The following XPO4 variants were observed in gnomAD, a reference collection of about 807,000 sequenced individuals.
XPO4 encodes exportin 4.
In XPO4, 39 loss-of-function variants were observed where a neutral mutation model predicts 143.0. The ratio of observed to expected loss-of-function variants is 0.27; its 90% CI spans 0.21 to 0.36. The LOEUF is 0.36. XPO4 is among the 10% of genes least tolerant of loss of function. XPO4 has a pLI of 1.00. For synonymous variants in XPO4, 439 were observed against 474.0 expected (o/e 0.93, Z 0.96); for missense variants, 907 against 1,348.0 (o/e 0.67, Z 5.12).
intron 4 of XPO4, chr13:20,851,013 T>C (rs1216400410): frequency 1.0e-6 from 1 of 985,344 alleles, no homozygotes; most frequent in African/African-American, 1.7e-5. Flanking sequence ...AGAAAGTTTA[T>C]AGCCAATACT....
At chr13:20,839,219 G>A (rs1393617027) in intron 6 of XPO4, among the ~76,000 whole-genome samples, 1 of 152,146 alleles carries the variant, frequency 6.6e-6, no homozygotes, top group Non-Finnish European at 1.5e-5. Flanking sequence ...AGCCGAGATC[G>A]CGCCACGGCA....
At chr13:20,795,050 G>A (rs1015137566) in intron 18 of XPO4, among the ~76,000 whole-genome samples, 9 of 148,814 alleles carry the variant, frequency 6.0e-5, no homozygotes, top group East Asian at 1.9e-4. Flanking sequence ...TAAGGAATAC[G>A]AAAAAATTAA....
At chr13:20,819,328 A>G (rs982454315) in intron 9 of XPO4, among the ~76,000 whole-genome samples, 10 of 152,120 alleles carry the variant, frequency 6.6e-5, no homozygotes, top group African/African-American at 2.4e-4. Context: ...TCCCAAACTC[A>G]TATCTTTAAT....
chr13:20,839,901 T>C (rs2059956529), intron 6 of XPO4, among the ~76,000 whole-genome samples: 1 of 152,142 alleles, frequency 6.6e-6, no homozygotes, highest in African/African-American at 2.4e-5. Context: ...GAGAATCGCT[T>C]GAACCCAGGA....
At chr13:20,845,960 T>C (rs144821760) in intron 4 of XPO4, among the ~76,000 whole-genome samples, 3 of 152,290 alleles carry the variant, frequency 2.0e-5, no homozygotes, top group African/African-American at 7.2e-5. Flanking sequence ...TAAACACATC[T>C]AAATGTTTGA....
At position 20,868,650 on chromosome 13, in the gene XPO4, A is replaced by G. The variant is rs201876015; in HGVS notation, c.121T>C (p.Phe41Leu). The G allele has an allele frequency of 4.6e-5, 75 of 1,613,148 alleles. No individual in the cohort carries two copies. Among genetic ancestry groups the G allele is most frequent in the Non-Finnish European group, 5.8e-5 (69 of 1,179,584 alleles). The change falls in exon 2 of 23, where the codon TTC becomes CTC. Residue 41 changes from phenylalanine to leucine, a missense_variant. Physicochemically the swap from Phe to Leu is conservative, Grantham distance 22 (BLOSUM62 0). Transcript: ENST00000255305. ...NEQRQHAEHI[F>L]LSFRKSKSPF... is the part of the protein sequence containing the mutation. ...GATTTTGATTTCCTAAATGATAAGA[A>G]TATGTGCTCTGCATGCTGGCGTTGT...
At chr13:20,883,189 C>T (rs1008975476) in intron 1 of XPO4, among the ~76,000 whole-genome samples, 3 of 152,224 alleles carry the variant, frequency 2.0e-5, no homozygotes, top group Admixed American at 1.3e-4. Flanking sequence ...TAGTTATCTT[C>T]GTTAACTCTC....
intron 9 of XPO4, among the ~76,000 whole-genome samples, chr13:20,814,854 T>C (rs1769204633): frequency 6.6e-6 from 1 of 152,220 alleles, no homozygotes; most frequent in Non-Finnish European, 1.5e-5. Context: ...TCAATGCCCA[T>C]AATTACCTTG....
In XPO4 at chr13:20,902,429, C is replaced by G. The variant is rs773212979; in HGVS notation, c.69+241G>C. ...ATTCTCTTTGCTACACCACTATATT[C>G]CCACGCCCGACTGGGGTGCTGGGCA... is the stretch of plus-strand genomic sequence containing the variant. On this transcript the variant is annotated intron_variant, in intron 1 of 22. Coordinates refer to ENST00000255305, the MANE Select transcript of XPO4 (RefSeq NM_022459.5). 530 of 985,440 alleles carry G rather than the reference C, an allele frequency of 5.4e-4. 1 individual carries two copies. The highest frequency in any genetic ancestry group is 5.1e-4 in the Non-Finnish European group (426 of 829,940). The allele number at this position is 985,440 out of a possible 1,614,324, so 61.0% of individuals were successfully genotyped here.
chr13:20,800,219 C>G lies in XPO4; in HGVS notation c.2084G>C (p.Ser695Thr), dbSNP rs962353353. The change falls in exon 15 of 23, where the codon AGT becomes ACT. Residue 695 changes from serine to threonine, a missense_variant. Coordinates refer to ENST00000255305, the MANE Select transcript of XPO4 (RefSeq NM_022459.5). ...AGTGTCATTTGCAAGGTCCTGCTCACTACTCCAGACTGAGAGGTTACTGAT... is the reference window on the plus strand; with the variant it reads ...AGTGTCATTTGCAAGGTCCTGCTCAGTACTCCAGACTGAGAGGTTACTGAT... ...KVISNLSVWS[S>T]EQDLANDTVQ... 7.4e-6 allele frequency: 12 copies of G among 1,614,170 alleles called. No individual in the cohort carries two copies. Among genetic ancestry groups the G allele is most frequent in the Non-Finnish European group, 1.0e-5 (12 of 1,180,016 alleles).
intron 1 of XPO4, among the ~76,000 whole-genome samples, chr13:20,892,697 A>C (rs2060529571): frequency 6.6e-6 from 1 of 152,044 alleles, no homozygotes; most frequent in African/African-American, 2.4e-5. Context: ...CACCCTGGGC[A>C]ATACAGCAAG....
chr13:20,870,804 T>C (rs1029698811), intron 1 of XPO4, among the ~76,000 whole-genome samples: 1 of 152,152 alleles, frequency 6.6e-6, no homozygotes, highest in Non-Finnish European at 1.5e-5. Flanking sequence ...TTATTTTGTT[T>C]GCTTTTTGTG....
At chr13:20,892,584 G>C (rs528299698) in intron 1 of XPO4, among the ~76,000 whole-genome samples, 29 of 152,118 alleles carry the variant, frequency 1.9e-4, no homozygotes, top group African/African-American at 6.0e-4. Flanking sequence ...AAGCAAACAG[G>C]GTCCCTGAAC....
At chr13:20,883,754 C>T (rs188127949) in intron 1 of XPO4, among the ~76,000 whole-genome samples, 2 of 152,080 alleles carry the variant, frequency 1.3e-5, no homozygotes, top group Admixed American at 6.6e-5. Flanking sequence ...ATGGAGTAAA[C>T]GTATTGTATT....
At chr13:20,874,993 C>CAA (rs34206891) in intron 1 of XPO4, among the ~76,000 whole-genome samples, 17 of 150,020 alleles carry the variant, frequency 1.1e-4, no homozygotes, top group South Asian at 2.1e-4. Context: ...GACTCCGTCT[C>CAA]AAAAAAAAAA....
rs1321449184 is a variant in XPO4, at chr13:20,862,451, C to T, written c.317+266G>A. ...AAGTGTTTAAAATATGAGCCCCACACAAAACTTAACCTTAAACATCTAGAG... is the reference window on the plus strand; with the variant it reads ...AAGTGTTTAAAATATGAGCCCCACATAAAACTTAACCTTAAACATCTAGAG... On this transcript the variant is annotated intron_variant, in intron 3 of 22. Transcript: ENST00000255305. 2.2e-4 allele frequency among the ~76,000 whole-genome samples: 33 copies of T among 152,142 alleles called. 1 individual carries two copies. Among genetic ancestry groups the T allele is most frequent in the Non-Finnish European group, 7.4e-5 (5 of 68,018 alleles).
chr13:20,861,773 CTCTCTTTTT>C (rs2060201149), intron 3 of XPO4, among the ~76,000 whole-genome samples: 1 of 126,464 alleles, frequency 7.9e-6, no homozygotes, highest in Non-Finnish European at 1.6e-5. Context: ...TTGCACATTT[CTCTCTTTTT>C]TTTTTTTTTT....
chr13:20,898,567 A>C (rs1241869912), intron 1 of XPO4, among the ~76,000 whole-genome samples: 1 of 152,128 alleles, frequency 6.6e-6, no homozygotes, highest in African/African-American at 2.4e-5. Flanking sequence ...TCTCAAAAGA[A>C]AAAGGAAAAA....
chr13:20,859,761 G>T, intron 3 of XPO4: 1 of 699,558 alleles, frequency 1.4e-6, no homozygotes, highest in Non-Finnish European at 1.7e-6. Flanking sequence ...TAGCAACAGA[G>T]CAAGGCTCTG....
Sources: gnomAD v4.1 joint callset for allele counts (sites outside exome capture counted in the v4.1 genomes callset) on GRCh38, gnomAD v4.1.1 for gene constraint, MANE v1.5 for transcripts, NCBI Gene and HGNC (gene_info 2026-07-23, HGNC 2026-07-21) for gene names.